Variants in SPOCK1 observed in about 807,000 individuals in gnomAD.
SPOCK1 encodes the protein testican-1.
In SPOCK1, 23 loss-of-function variants were observed where a neutral mutation model predicts 55.3. That is an observed-to-expected ratio of 0.42 (90% CI 0.30 to 0.59). SPOCK1 has a LOEUF of 0.59. Among genes scored for constraint, SPOCK1 ranks in the 20% least tolerant of loss-of-function variants. SPOCK1 has a pLI of 0.22. For missense variants in SPOCK1, 499 were observed against 552.5 expected, an observed-to-expected ratio of 0.90 and a Z score of 0.97; for synonymous variants, 226 against 221.0, an observed-to-expected ratio of 1.02 and a Z score of -0.20.
chr5:137,210,871 C>T (rs1332995885), intron 3 of SPOCK1, among the ~76,000 whole-genome samples: 3 of 152,220 alleles, frequency 2.0e-5, no homozygotes, highest in African/African-American at 7.2e-5. Flanking sequence ...GGCCGCATGA[C>T]ATCACTGGAG....
chr5:137,489,681 G>C (rs1754134502), intron 2 of SPOCK1, among the ~76,000 whole-genome samples: 1 of 152,242 alleles, frequency 6.6e-6, no homozygotes, highest in South Asian at 2.1e-4. Context: ...GCCCCCAAAT[G>C]TGTGTTAAGT....
chr5:137,058,425 C>A (rs1340910448), intron 6 of SPOCK1, among the ~76,000 whole-genome samples: 1 of 152,164 alleles, frequency 6.6e-6, no homozygotes, highest in Non-Finnish European at 1.5e-5. Flanking sequence ...AAATTAAGCA[C>A]TTTATACAGA....
In SPOCK1 at chr5:137,313,858, G is replaced by C. The variant is rs1201112287; in HGVS notation, c.187-46803C>G. ...GGCTCCACATCCTGGGGGAAATGAA[G>C]AACCCCTTTATAAATGCTTCCCACA... On this transcript the variant is annotated intron_variant, in intron 2 of 10. Coordinates refer to ENST00000394945, the MANE Select transcript of SPOCK1 (RefSeq NM_004598.4). Among the ~76,000 whole-genome samples the C allele has an allele frequency of 2.0e-5, 3 of 150,582 alleles. No individual in the cohort carries two copies. In the Admixed American group the frequency reaches 2.0e-4, roughly 10 times the overall value.
At chr5:137,340,502 A>G (rs1359691525) in intron 2 of SPOCK1, among the ~76,000 whole-genome samples, 1 of 152,224 alleles carries the variant, frequency 6.6e-6, no homozygotes, top group Non-Finnish European at 1.5e-5. Context: ...CTGTGAAATA[A>G]GAATAACTGT....
rs562347571 is a variant in SPOCK1 at position 137,221,008 on chromosome 5, A to G, written c.232+46002T>C. On this transcript the variant is annotated intron_variant, in intron 3 of 10. Coordinates refer to ENST00000394945, the MANE Select transcript of SPOCK1 (RefSeq NM_004598.4). The stretch of plus-strand genomic sequence containing the variant: ...TCCAGCACAGTAAGCCAACAGCCAC[A>G]GAAACGTGGCCAGCAGAAATATATC... Among the ~76,000 whole-genome samples the G allele has an allele frequency of 1.4e-4, 22 of 152,380 alleles. No individual in the cohort carries two copies. The South Asian group carries it at 4.3e-3, about 30-fold the overall frequency.
At position 137,353,325 on chromosome 5, in the gene SPOCK1, G is replaced by A. The variant is rs547303641; in HGVS notation, c.187-86270C>T. ...TAGCCCATGAATTCGAGGCTGCAGT[G>A]AGCAGAGATCACATAACTGCACTCC... On this transcript the variant is annotated intron_variant, in intron 2 of 10. Coordinates refer to ENST00000394945, the MANE Select transcript of SPOCK1 (RefSeq NM_004598.4). Among the ~76,000 whole-genome samples the A allele has an allele frequency of 3.3e-4, 51 of 152,308 alleles. 1 individual carries two copies. Among genetic ancestry groups the A allele is most frequent in the African/African-American group, 1.2e-3 (50 of 41,562 alleles).
intron 2 of SPOCK1, among the ~76,000 whole-genome samples, chr5:137,496,994 C>T (rs1754312191): frequency 6.6e-6 from 1 of 152,148 alleles, no homozygotes; most frequent in African/African-American, 2.4e-5. Context: ...AGAGGAGGAA[C>T]AGAGAGGAGA....
chr5:137,288,285 CCT>C (rs1305795425), intron 2 of SPOCK1, among the ~76,000 whole-genome samples: 2 of 152,176 alleles, frequency 1.3e-5, no homozygotes, highest in Non-Finnish European at 2.9e-5. Context: ...TGGCAGCATA[CCT>C]ATTCTCCTTT....
intron 2 of SPOCK1, among the ~76,000 whole-genome samples, chr5:137,476,057 G>A (rs1489686414): frequency 6.6e-6 from 1 of 150,602 alleles, no homozygotes; most frequent in Non-Finnish European, 1.5e-5. Context: ...TAACTTTTAA[G>A]TTCAAGGGTA....
chr5:137,483,098 C>T (rs1355979210), intron 2 of SPOCK1, among the ~76,000 whole-genome samples: 3 of 152,122 alleles, frequency 2.0e-5, no homozygotes, highest in African/African-American at 4.8e-5. Context: ...TTTGGAAGGC[C>T]GAGGCGGGTG....
chr5:137,222,070 A>G (rs934375489), intron 3 of SPOCK1, among the ~76,000 whole-genome samples: 3 of 152,166 alleles, frequency 2.0e-5, no homozygotes, highest in Non-Finnish European at 1.5e-5. Context: ...TGAAGCCTCG[A>G]GTTTTCTTGT....
At chr5:137,356,113 C>A (rs181229398) in intron 2 of SPOCK1, among the ~76,000 whole-genome samples, 70 of 152,286 alleles carry the variant, frequency 4.6e-4, no homozygotes, top group Non-Finnish European at 1.3e-4. Context: ...TGAGTCAAAG[C>A]ACACCAAGCT....
At chr5:137,454,193 C>T (rs1753317518) in intron 2 of SPOCK1, among the ~76,000 whole-genome samples, 1 of 152,276 alleles carries the variant, frequency 6.6e-6, no homozygotes, top group African/African-American at 2.4e-5. Flanking sequence ...CTTAAGGTGG[C>T]TCATCTAACT....
chr5:137,252,796 A>G (rs1756561110), intron 3 of SPOCK1, among the ~76,000 whole-genome samples: 1 of 152,250 alleles, frequency 6.6e-6, no homozygotes, highest in Non-Finnish European at 1.5e-5. Flanking sequence ...TTCAAACAAC[A>G]TGAGCTAAGT....
At chr5:137,176,798 T>C (rs1456521818) in intron 3 of SPOCK1, among the ~76,000 whole-genome samples, 1 of 152,092 alleles carries the variant, frequency 6.6e-6, no homozygotes, top group African/African-American at 2.4e-5. Context: ...CGGTATCTAG[T>C]TGATGAAATG....
intron 2 of SPOCK1, among the ~76,000 whole-genome samples, chr5:137,372,558 G>T (rs1435456270): frequency 6.6e-6 from 1 of 152,248 alleles, no homozygotes; most frequent in African/African-American, 2.4e-5. Flanking sequence ...GCACCCAACT[G>T]ATGTCAGAGG....
At chr5:137,395,241 C>T (rs1460743347) in intron 2 of SPOCK1, among the ~76,000 whole-genome samples, 2 of 152,204 alleles carry the variant, frequency 1.3e-5, no homozygotes, top group South Asian at 2.1e-4. Flanking sequence ...AAATTTCTGA[C>T]GTGATCTGGA....
intron 6 of SPOCK1, among the ~76,000 whole-genome samples, chr5:137,034,581 G>T (rs1020848929): frequency 6.6e-6 from 1 of 152,122 alleles, no homozygotes. Context: ...CACTCCATGG[G>T]CTCAGCATTA....
intron 2 of SPOCK1, among the ~76,000 whole-genome samples, chr5:137,432,614 AAGG>A (rs1170555459): frequency 6.6e-6 from 1 of 152,176 alleles, no homozygotes; most frequent in African/African-American, 2.4e-5. Context: ...GCTGGGAGAA[AAGG>A]AGAACAGTGC....
Sources: gnomAD v4.1 joint callset for allele counts (sites outside exome capture counted in the v4.1 genomes callset) on GRCh38, gnomAD v4.1.1 for gene constraint, MANE v1.5 for transcripts, NCBI Gene and HGNC (gene_info 2026-07-23, HGNC 2026-07-21) for gene names.